NPAS2: variants seen among roughly 807,000 people sequenced by gnomAD.
The protein encoded by NPAS2 is neuronal PAS domain-containing protein 2.
A neutral mutation model predicts 107.5 loss-of-function variants in NPAS2; 23 were observed. That is an observed-to-expected ratio of 0.21 (90% CI 0.15 to 0.30). The LOEUF (loss-of-function observed/expected upper bound fraction) is 0.30. Among genes scored for constraint, NPAS2 ranks in the 10% least tolerant of loss-of-function variants. The pLI, the probability that NPAS2 is intolerant of heterozygous loss-of-function variation, is 1.00. For synonymous variants in NPAS2, 403 were observed against 417.5 expected (o/e 0.97, Z 0.42); for missense variants, 756 against 1,043.3 (o/e 0.72, Z 3.79).
At chr2:100,821,316 C>T (rs549174509) in intron 1 of NPAS2, 10 of 876,406 alleles carry the variant, frequency 1.1e-5, no homozygotes, top group Non-Finnish European at 1.6e-6. Flanking sequence ...TAAACACTCC[C>T]GAGCTTGTGT....
chr2:100,961,625 GCAGC>G (rs138711242), intron 7 of NPAS2, among the ~76,000 whole-genome samples: 4,868 of 152,268 alleles, frequency 0.032, 168 homozygotes, highest in South Asian at 0.16. Flanking sequence ...CATTATGGGG[GCAGC>G]CAGGCCAACA....
intron 1 of NPAS2, among the ~76,000 whole-genome samples, chr2:100,875,179 T>A (rs1679875494): frequency 1.3e-5 from 2 of 152,118 alleles, no homozygotes; most frequent in South Asian, 4.1e-4. Context: ...CATAAGCCAG[T>A]CACAGAAGGA....
At chr2:100,936,958 G>T (rs1684342933) in intron 4 of NPAS2, among the ~76,000 whole-genome samples, 1 of 147,760 alleles carries the variant, frequency 6.8e-6, no homozygotes, top group Admixed American at 6.8e-5. Context: ...CTCCAGCCTG[G>T]GTGACAGTGA....
chr2:100,915,702 A>G (rs1682837472), intron 2 of NPAS2, among the ~76,000 whole-genome samples: 1 of 152,236 alleles, frequency 6.6e-6, no homozygotes, highest in African/African-American at 2.4e-5. Context: ...CAGTGAAAAT[A>G]TCCTTCAGGA....
chr2:100,821,897 G>C (rs1422808900), intron 1 of NPAS2, among the ~76,000 whole-genome samples: 3 of 152,214 alleles, frequency 2.0e-5, no homozygotes, highest in African/African-American at 4.8e-5. Context: ...TCATTACAGC[G>C]CTAAACCAGG....
At chr2:100,935,286 C>T (rs1684225478) in intron 4 of NPAS2, among the ~76,000 whole-genome samples, 1 of 152,102 alleles carries the variant, frequency 6.6e-6, no homozygotes, top group Non-Finnish European at 1.5e-5. Context: ...AGAGGTTGTC[C>T]CAAGGAACAC....
chr2:100,961,539 A>T (rs1316498114), intron 7 of NPAS2, among the ~76,000 whole-genome samples: 6 of 152,230 alleles, frequency 3.9e-5, no homozygotes, highest in Admixed American at 3.9e-4. Flanking sequence ...GGCTACAAAC[A>T]ATAATGAAAC....
At chr2:100,830,874 C>G (rs1676686214) in intron 1 of NPAS2, among the ~76,000 whole-genome samples, 1 of 152,192 alleles carries the variant, frequency 6.6e-6, no homozygotes, top group Admixed American at 6.5e-5. Flanking sequence ...GTGCTGATCA[C>G]TGCCTGTTGA....
At chr2:100,836,725 T>A (rs1483698004) in intron 1 of NPAS2, among the ~76,000 whole-genome samples, 5 of 152,222 alleles carry the variant, frequency 3.3e-5, no homozygotes, top group African/African-American at 1.2e-4. Context: ...CCCTGGGTTC[T>A]ATGGCATTGC....
chr2:100,924,448 A>G (rs563492148), intron 2 of NPAS2, among the ~76,000 whole-genome samples: 1 of 152,350 alleles, frequency 6.6e-6, no homozygotes, highest in Admixed American at 6.5e-5. Context: ...ATTTTCCAGA[A>G]TGTCATATAC....
intron 7 of NPAS2, among the ~76,000 whole-genome samples, chr2:100,958,005 G>A (rs1163516337): frequency 6.6e-6 from 1 of 152,184 alleles, no homozygotes; most frequent in Non-Finnish European, 1.5e-5. Context: ...ATGCAAGAAG[G>A]CAATCCTTTC....
intron 1 of NPAS2, among the ~76,000 whole-genome samples, chr2:100,831,647 C>A (rs552100287): frequency 2.1e-4 from 32 of 152,290 alleles, no homozygotes; most frequent in Non-Finnish European, 3.7e-4. Flanking sequence ...TGGCCTCCCC[C>A]CTTTCCCCTT....
At chr2:100,860,610 CTTGAAG>C (rs1323058834) in intron 1 of NPAS2, among the ~76,000 whole-genome samples, 3 of 152,192 alleles carry the variant, frequency 2.0e-5, no homozygotes. Context: ...TGGCAGTCTA[CTTGAAG>C]GAGGAGCTTT....
At chr2:100,963,114 G>A (rs17025078) in intron 7 of NPAS2, among the ~76,000 whole-genome samples, 27,490 of 152,196 alleles carry the variant, frequency 0.18, 2,880 homozygotes, top group African/African-American at 0.29. Context: ...TCCTCTGGGG[G>A]TGACCCCTAA....
In NPAS2 at chr2:100,990,426, C is replaced by A; in HGVS notation, c.1998C>A (p.Phe666Leu). 1 of 1,614,214 alleles carries A rather than the reference C, an allele frequency of 6.2e-7. No individual in the cohort carries two copies. Among genetic ancestry groups the A allele is most frequent in the Non-Finnish European group, 8.5e-7 (1 of 1,180,022 alleles). ...GCCAGTGCCAGCCCAGCCCAGACTT[C>A]AGCCATGATCGGCAGCTCAGGTACG... ...DASQCQPSPD[F>L]SHDRQLRLLL... is the part of the protein sequence containing the mutation. Residue 666 changes from phenylalanine (F) to leucine (L), a missense_variant, in exon 18 of 21, where the codon TTC (phenylalanine) becomes TTA (leucine). Phe to Leu is a conservative substitution (Grantham distance 22). This residue lies in a region of NPAS2 where 496 missense variants were observed against 594.4 expected (regional missense o/e 0.83). Coordinates refer to ENST00000335681, the MANE Select transcript of NPAS2 (RefSeq NM_002518.4).
Position 100,988,093 on chromosome 2 carries a change from G to A in NPAS2, c.1644G>A (p.Gln548=). Residue 548 remains glutamine (Q), a synonymous_variant, in exon 17 of 21, where the codon CAG becomes CAA. Coordinates refer to ENST00000335681, the MANE Select transcript of NPAS2 (RefSeq NM_002518.4). ...TCTGCTCCCAGATGTTCCTGCAGCAGCCAGCTGTATCCCTGAGCTTCAGCA... is the reference window on the plus strand; with the variant it reads ...TCTGCTCCCAGATGTTCCTGCAGCAACCAGCTGTATCCCTGAGCTTCAGCA... ...QDSNVQMFLQ[Q]PAVSLSFSST... The A allele has an allele frequency of 6.2e-7, 1 of 1,613,994 alleles. No individual in the cohort carries two copies. Among genetic ancestry groups the A allele is most frequent in the Admixed American group, 1.7e-5 (1 of 60,016 alleles).
intron 1 of NPAS2, among the ~76,000 whole-genome samples, chr2:100,852,125 G>A (rs937251630): frequency 2.6e-5 from 4 of 152,156 alleles, no homozygotes; most frequent in Non-Finnish European, 5.9e-5. Context: ...GGCCGGGCAC[G>A]GTGGCTCCTG....
chr2:100,829,524 G>A lies in NPAS2; in HGVS notation c.-23+9110G>A, dbSNP rs144760566. 3.3e-3 allele frequency among the ~76,000 whole-genome samples: 507 copies of A among 152,234 alleles called. 6 individuals are homozygous for A. The highest frequency in any genetic ancestry group is 0.012 in the African/African-American group (481 of 41,548). On this transcript the variant is annotated intron_variant, in intron 1 of 20. Coordinates refer to ENST00000335681, the MANE Select transcript of NPAS2 (RefSeq NM_002518.4). ...TGATTTTGTATCCTGAAACTTTATC[G>A]AAGTCATTTGTCAGTTCTAGGGGCC...
At chr2:100,819,825 G>A (rs1675950989), upstream of NPAS2, among the ~76,000 whole-genome samples, 2 of 151,654 alleles carry the variant, frequency 1.3e-5, no homozygotes, top group South Asian at 2.1e-4. The surrounding 1 kb of genome is among the most constrained non-coding windows in gnomAD (Gnocchi z 5.8). Context: ...GCCCAACCCC[G>A]ACCCTGCGCC....
Sources: gnomAD v4.1 joint callset for allele counts (sites outside exome capture counted in the v4.1 genomes callset) on GRCh38, gnomAD v4.1.1 for gene constraint, gnomAD v4.1.1 regional missense constraint, Gnocchi (gnomAD v3.1) non-coding constraint, MANE v1.5 for transcripts, NCBI Gene and HGNC (gene_info 2026-07-23, HGNC 2026-07-21) for gene names.